Variants in SLC25A21 observed in about 807,000 individuals in gnomAD.
The protein encoded by SLC25A21 is mitochondrial 2-oxodicarboxylate carrier.
A neutral mutation model predicts 43.8 loss-of-function variants in SLC25A21; 47 were observed. That is an observed-to-expected ratio of 1.07 (90% CI 0.85 to 1.37). SLC25A21 has a LOEUF of 1.37. SLC25A21 is among the 40% of genes most tolerant of loss of function. The probability of loss-of-function intolerance (pLI) is 0.00; values close to 1 mark genes in which losing one functional copy is unlikely to be tolerated. For missense variants in SLC25A21, 352 were observed against 350.2 expected (o/e 1.00, Z -0.04); for synonymous variants, 131 against 121.3 (o/e 1.08, Z -0.52).
chr14:36,717,797 T>C (rs1303092093), intron 6 of SLC25A21, among the ~76,000 whole-genome samples: 2 of 152,238 alleles, frequency 1.3e-5, no homozygotes, highest in East Asian at 1.9e-4. Context: ...TTCAGTTTCT[T>C]AGAGCTAACT....
At chr14:36,782,717 C>T (rs1261969766) in intron 3 of SLC25A21, among the ~76,000 whole-genome samples, 2 of 151,088 alleles carry the variant, frequency 1.3e-5, no homozygotes, top group Non-Finnish European at 2.9e-5. Context: ...AAACCAAACA[C>T]CGCATATTCT....
At chr14:36,709,265 A>G (rs1474968568) in intron 7 of SLC25A21, among the ~76,000 whole-genome samples, 1 of 152,196 alleles carries the variant, frequency 6.6e-6, no homozygotes, top group Non-Finnish European at 1.5e-5. Context: ...TGGGGCCTGC[A>G]TTTAGAAGAG....
intron 1 of SLC25A21, among the ~76,000 whole-genome samples, chr14:37,082,724 C>A (rs1007185205): frequency 5.3e-5 from 8 of 152,158 alleles, no homozygotes; most frequent in African/African-American, 1.9e-4. Flanking sequence ...GGCCACTGGA[C>A]AAAAGACAAA....
At chr14:36,994,556 C>T (rs986746038) in intron 1 of SLC25A21, among the ~76,000 whole-genome samples, 6 of 152,152 alleles carry the variant, frequency 3.9e-5, no homozygotes, top group Admixed American at 6.6e-5. Flanking sequence ...AGCAGCTTTA[C>T]GCACTCTAAA....
intron 1 of SLC25A21, among the ~76,000 whole-genome samples, chr14:37,070,324 T>G (rs571901176): frequency 1.3e-5 from 2 of 152,330 alleles, no homozygotes; most frequent in African/African-American, 4.8e-5. Context: ...TCTAAACTTT[T>G]AGTAAACCTA....
intron 1 of SLC25A21, among the ~76,000 whole-genome samples, chr14:37,144,182 T>A (rs968307901): frequency 3.3e-5 from 5 of 152,242 alleles, no homozygotes; most frequent in African/African-American, 1.2e-4. Flanking sequence ...AGATTCTATT[T>A]AACCTATAAA....
intron 1 of SLC25A21, among the ~76,000 whole-genome samples, chr14:36,919,418 T>G (rs1891915974): frequency 6.6e-6 from 1 of 152,066 alleles, no homozygotes; most frequent in Non-Finnish European, 1.5e-5. Context: ...GAACACCTGC[T>G]AAATAAGAAG....
chr14:36,969,585 C>T (rs1162800007), intron 1 of SLC25A21, among the ~76,000 whole-genome samples: 1 of 151,820 alleles, frequency 6.6e-6, no homozygotes, highest in Non-Finnish European at 1.5e-5. Context: ...AACTCCTAGG[C>T]TTAAATGATC....
chr14:36,816,206 G>C (rs1189507821), intron 2 of SLC25A21, among the ~76,000 whole-genome samples: 1 of 152,148 alleles, frequency 6.6e-6, no homozygotes, highest in South Asian at 2.1e-4. Context: ...GTACTGAACA[G>C]TACTGTGAAG....
rs543105023 is a variant in SLC25A21 at position 36,844,058 on chromosome 14, T to C, written c.120-30057A>G. ...ATAAAAAATTGTGTTAGGTGATGTGTGCACTTTTCAGTGTGTCACATTAGG... is the reference window on the plus strand; with the variant it reads ...ATAAAAAATTGTGTTAGGTGATGTGCGCACTTTTCAGTGTGTCACATTAGG... On this transcript the variant is annotated intron_variant, in intron 2 of 9. Transcript: ENST00000331299. Among the ~76,000 whole-genome samples, 5 of 152,336 alleles carry C rather than the reference T, an allele frequency of 3.3e-5. No individual in the cohort carries two copies. The South Asian group carries it at 8.3e-4, about 25-fold the overall frequency.
At chr14:37,047,478 C>T (rs1206207289) in intron 1 of SLC25A21, among the ~76,000 whole-genome samples, 1 of 152,190 alleles carries the variant, frequency 6.6e-6, no homozygotes, top group Non-Finnish European at 1.5e-5. Flanking sequence ...ATTTCCGGAA[C>T]TTTGCTAAGA....
At chr14:36,799,682 T>G (rs1351668599) in intron 3 of SLC25A21, among the ~76,000 whole-genome samples, 1 of 152,142 alleles carries the variant, frequency 6.6e-6, no homozygotes, top group Non-Finnish European at 1.5e-5. Context: ...CCATGTTACC[T>G]GGGTTAAAAT....
At chr14:36,871,378 T>C (rs563545395) in intron 2 of SLC25A21, among the ~76,000 whole-genome samples, 13 of 152,308 alleles carry the variant, frequency 8.5e-5, no homozygotes, top group Non-Finnish European at 1.3e-4. Flanking sequence ...GCCTCCAGTA[T>C]GGTGAGAAAT....
At chr14:37,143,007 A>G (rs1050200821) in intron 1 of SLC25A21, among the ~76,000 whole-genome samples, 1 of 152,194 alleles carries the variant, frequency 6.6e-6, no homozygotes, top group African/African-American at 2.4e-5. Context: ...CCCTCCTGGT[A>G]GTGACAGAAT....
At chr14:36,908,130 ATGATAC>A (rs1891584905) in intron 1 of SLC25A21, among the ~76,000 whole-genome samples, 1 of 152,186 alleles carries the variant, frequency 6.6e-6, no homozygotes, top group East Asian at 1.9e-4. Context: ...AAAACTCTGT[ATGATAC>A]TATAATGATG....
chr14:36,893,966 G>T (rs1891163413), intron 1 of SLC25A21, among the ~76,000 whole-genome samples: 1 of 152,196 alleles, frequency 6.6e-6, no homozygotes, highest in Non-Finnish European at 1.5e-5. Flanking sequence ...TTTGAAGTCA[G>T]GTAGTGTGAT....
chr14:36,710,830 AAC>A (rs1156457787), intron 7 of SLC25A21, among the ~76,000 whole-genome samples: 1 of 152,220 alleles, frequency 6.6e-6, no homozygotes, highest in African/African-American at 2.4e-5. Context: ...AGAATTGATT[AAC>A]TACCCTAATT....
intron 1 of SLC25A21, among the ~76,000 whole-genome samples, chr14:36,989,400 C>A (rs1437191097): frequency 6.6e-6 from 1 of 151,950 alleles, no homozygotes; most frequent in African/African-American, 2.4e-5. Flanking sequence ...ACTGTTTCTT[C>A]TTTAAATATT....
intron 1 of SLC25A21, among the ~76,000 whole-genome samples, chr14:37,141,773 T>C (rs914146533): frequency 3.3e-5 from 5 of 152,244 alleles, no homozygotes; most frequent in African/African-American, 1.2e-4. Context: ...TTTTCTAGAT[T>C]GCACTGACTT....
Sources: allele counts gnomAD v4.1 joint callset (sites outside exome capture counted in the v4.1 genomes callset), GRCh38; gene constraint gnomAD v4.1.1; transcripts MANE v1.5; gene names NCBI Gene and HGNC (gene_info 2026-07-23, HGNC 2026-07-21).